USP35: variants seen among roughly 807,000 people sequenced by gnomAD.
USP35 encodes the protein ubiquitin specific peptidase 35.
Under a neutral mutation model 83.8 loss-of-function variants are expected in USP35, and 69 were observed. That is an observed-to-expected ratio of 0.82 (90% CI 0.68 to 1.01). The LOEUF is 1.01. Among genes scored for constraint, USP35 ranks in the 50% least tolerant of loss-of-function variants. The pLI is 0.00. For missense variants in USP35, 1,503 were observed against 1,362.5 expected (o/e 1.10, Z -1.62); for synonymous variants, 714 against 589.5 (o/e 1.21, Z -3.06).
the USP35 span, among the ~76,000 whole-genome samples, chr11:78,234,245 GCTA>G: frequency 1.3e-5 from 2 of 152,090 alleles, no homozygotes; most frequent in Non-Finnish European, 1.5e-5. Flanking sequence ...ACCGTGCCTG[GCTA>G]CTTTTTGTAT....
chr11:78,235,239 G>A, the USP35 span, among the ~76,000 whole-genome samples: 6 of 151,776 alleles, frequency 4.0e-5, no homozygotes, highest in Non-Finnish European at 8.8e-5. Flanking sequence ...TGCAAGCTCC[G>A]CCTCCCGGGT....
the USP35 span, among the ~76,000 whole-genome samples, chr11:78,221,461 G>A: frequency 1.8e-4 from 28 of 152,150 alleles, no homozygotes; most frequent in Admixed American, 9.8e-4. Context: ...CCATGACTTC[G>A]TTGGGACAGG....
intron 7 of USP35, 97 bp downstream of exon 7, chr11:78,206,132 G>C: frequency 7.0e-7 from 1 of 1,420,690 alleles, no homozygotes; most frequent in Non-Finnish European, 9.6e-7. Flanking sequence ...GGTTGGAGAG[G>C]GTGGGCCTTG....
the USP35 span, among the ~76,000 whole-genome samples, chr11:78,225,608 A>G: frequency 6.6e-6 from 1 of 152,214 alleles, no homozygotes; most frequent in Non-Finnish European, 1.5e-5. Flanking sequence ...TGTTTTATGT[A>G]TGTCTTTATC....
Position 78,207,628 on chromosome 11 carries a change from G to A in USP35, c.1485+5G>A. ...GGCTTCCTAGAACACAGCCAGGTGA[G>A]TGTAGGGGCAGTCAGAGGGGGGTGG... is the stretch of plus-strand genomic sequence containing the variant. On this transcript the variant is annotated splice_donor_5th_base_variant and intron_variant, in intron 8 of 10. Coordinates refer to ENST00000529308, the MANE Select transcript of USP35 (RefSeq NM_020798.4). 1 of 1,613,728 alleles carries A rather than the reference G, an allele frequency of 6.2e-7. No individual in the cohort carries two copies. Among genetic ancestry groups the A allele is most frequent in the East Asian group, 2.2e-5 (1 of 44,886 alleles).
downstream of USP35, chr11:78,219,217 TG>T: frequency 6.5e-7 from 1 of 1,543,780 alleles, no homozygotes; most frequent in Non-Finnish European, 8.9e-7. Flanking sequence ...AGAGGGGAGA[TG>T]GGAAGGGCCA....
chr11:78,205,228 G>T (rs1265698646), intron 6 of USP35, among the ~76,000 whole-genome samples: 1 of 152,178 alleles, frequency 6.6e-6, no homozygotes, highest in African/African-American at 2.4e-5. Flanking sequence ...CTGACTGTAG[G>T]GTCAAGTTTT....
At chr11:78,191,899 A>G (rs1267011537) in intron 1 of USP35, among the ~76,000 whole-genome samples, 1 of 142,344 alleles carries the variant, frequency 7.0e-6, no homozygotes, top group African/African-American at 2.7e-5. Flanking sequence ...GCTGGAGTGC[A>G]GTGGCATGAT....
intron 1 of USP35, among the ~76,000 whole-genome samples, chr11:78,189,787 G>A (rs1353321751): frequency 6.6e-6 from 1 of 152,196 alleles, no homozygotes; most frequent in Non-Finnish European, 1.5e-5. Flanking sequence ...TATCCTTTGA[G>A]GAAGAGCAGC....
chr11:78,207,666 G>T (rs564041228), intron 8 of USP35, 43 bp downstream of exon 8: 71 of 1,591,742 alleles, frequency 4.5e-5, no homozygotes, highest in Non-Finnish European at 5.9e-5. Context: ...AGGCAGCTCT[G>T]GTCAGGCCCC....
chr11:78,224,911 A>G, the USP35 span, among the ~76,000 whole-genome samples: 1 of 152,012 alleles, frequency 6.6e-6, no homozygotes, highest in Non-Finnish European at 1.5e-5. Flanking sequence ...TAGCACATAC[A>G]TTTCTTCCAG....
intron 6 of USP35, among the ~76,000 whole-genome samples, 177 bp downstream of exon 6, chr11:78,200,985 C>T (rs919426177): frequency 6.6e-6 from 1 of 152,212 alleles, no homozygotes; most frequent in Non-Finnish European, 1.5e-5. Flanking sequence ...CTCACGTTCC[C>T]CAAGTAGGCT....
At chr11:78,194,713 G>A (rs1863091951) in intron 1 of USP35, among the ~76,000 whole-genome samples, 1 of 152,170 alleles carries the variant, frequency 6.6e-6, no homozygotes, top group African/African-American at 2.4e-5. Flanking sequence ...TTATGGCTCA[G>A]AGGAGTAAGG....
chr11:78,212,957 C>T (rs1863850989), intron 10 of USP35, among the ~76,000 whole-genome samples: 1 of 152,178 alleles, frequency 6.6e-6, no homozygotes, highest in African/African-American at 2.4e-5. Flanking sequence ...TCCTGTGTGA[C>T]TCCCTAGAGT....
chr11:78,206,165 C>T (rs758447475), intron 7 of USP35, 130 bp downstream of exon 7: 4 of 1,222,670 alleles, frequency 3.3e-6, no homozygotes, highest in Non-Finnish European at 4.6e-6. Context: ...AGCATGATTC[C>T]CTGAGGTCTG....
chr11:78,233,040 G>GT, the USP35 span, among the ~76,000 whole-genome samples: 3,077 of 131,926 alleles, frequency 0.023, 66 homozygotes, highest in Middle Eastern at 0.037. Context: ...GCACTGTTAA[G>GT]TTTTTTTTTT....
chr11:78,198,787 A>G (rs1000680777), intron 3 of USP35: 8 of 796,928 alleles, frequency 1.0e-5, no homozygotes, highest in East Asian at 1.3e-4. Context: ...AAGTTACTCA[A>G]CCTCTCTGTT....
Position 78,196,267 on chromosome 11 carries a change from G to T in USP35, c.22G>T (p.Val8Leu). 1.3e-6 allele frequency: 2 copies of T among 1,595,268 alleles called. No homozygotes were observed. Among genetic ancestry groups the T allele is most frequent in the South Asian group, 2.2e-5 (2 of 90,972 alleles). Residue 8 changes from valine to leucine, a missense_variant, in exon 2 of 11, where the codon GTG becomes TTG. Val to Leu is a conservative substitution (Grantham distance 32). Coordinates refer to ENST00000529308, the MANE Select transcript of USP35 (RefSeq NM_020798.4). This position sits in a 1 kb window ranked among gnomAD's most constrained non-coding sequence, Gnocchi z 4.8. Reference sequence around the variant, plus strand: ...CGCCATGGACAAGATCTTGGAGGCGGTGGTGACGTCGTCATACCCGGTCAG... The same window carrying T: ...CGCCATGGACAAGATCTTGGAGGCGTTGGTGACGTCGTCATACCCGGTCAG... MDKILEA[V>L]VTSSYPVSVK...
At position 78,209,501 on chromosome 11, in the gene USP35, C is replaced by G. The variant is rs1008295403; in HGVS notation, c.1646C>G (p.Ser549Cys). 1 of 1,613,752 alleles carries G rather than the reference C, an allele frequency of 6.2e-7. No homozygotes were observed. Among genetic ancestry groups the G allele is most frequent in the Non-Finnish European group, 8.5e-7 (1 of 1,179,794 alleles). Reference sequence around the variant, plus strand: ...AGGATCTGCCAGAAACTCAAGCAGTCCAGCTCGCCCTCTCCGCCCGAGGAG... The same window carrying G: ...AGGATCTGCCAGAAACTCAAGCAGTGCAGCTCGCCCTCTCCGCCCGAGGAG... ...GTRICQKLKQSSSPSPPEEPP... is the reference protein window; with the variant it reads ...GTRICQKLKQCSSPSPPEEPP... The change falls in exon 10 of 11, where the codon TCC becomes TGC. Residue 549 changes from serine to cysteine, a missense_variant. Coordinates refer to ENST00000529308, the MANE Select transcript of USP35 (RefSeq NM_020798.4).
Sources: gnomAD v4.1 joint callset for allele counts (sites outside exome capture counted in the v4.1 genomes callset) on GRCh38, gnomAD v4.1.1 for gene constraint, Gnocchi (gnomAD v3.1) non-coding constraint, MANE v1.5 for transcripts, NCBI Gene and HGNC (gene_info 2026-07-23, HGNC 2026-07-21) for gene names.